The following P3H2 variants were observed in gnomAD, a reference collection of about 807,000 sequenced individuals.
P3H2 encodes leprecan-like 1.
In P3H2, 80 loss-of-function variants were observed where a neutral mutation model predicts 87.0. That is an observed-to-expected ratio of 0.92 (90% CI 0.77 to 1.11). P3H2 has a LOEUF of 1.11. Among genes scored for constraint, P3H2 ranks in the 50% least tolerant of loss-of-function variants. P3H2 has a pLI of 0.00. For missense variants in P3H2, 1,001 were observed against 923.9 expected, an observed-to-expected ratio of 1.08 and a Z score of -1.08; for synonymous variants, 367 against 359.3, an observed-to-expected ratio of 1.02 and a Z score of -0.24.
At chr3:190,025,367 C>A (rs1195817758) in intron 1 of P3H2, among the ~76,000 whole-genome samples, 2 of 152,100 alleles carry the variant, frequency 1.3e-5, no homozygotes, top group Admixed American at 6.5e-5. Flanking sequence ...ATATTTTAAT[C>A]ATTAATAAGT....
At position 190,120,884 on chromosome 3, in the gene P3H2, G is replaced by A; in HGVS notation, c.-153C>T. 1.6e-6 allele frequency: 2 copies of A among 1,260,130 alleles called. No individual in the cohort carries two copies. The highest frequency in any genetic ancestry group is 1.0e-6 in the Non-Finnish European group (1 of 957,548). 78.1% of individuals were successfully genotyped at this position (1,260,130 alleles called of 1,614,324 possible). A position where few individuals can be genotyped will look rare whatever the true frequency, so the allele number is the denominator to read the frequency against. On this transcript the variant is annotated 5_prime_UTR_variant, in exon 1 of 15. Coordinates refer to ENST00000319332, the MANE Select transcript of P3H2 (RefSeq NM_018192.4). ...AGCCCCAGGTGACCGCCGGCGCTCC[G>A]CGTACTGAGAGGCGGAGGCCGTGCC...
rs1577313019 is a variant in P3H2, at chr3:190,079,277, G to A, written c.480+40975C>T. ...AATCACTTGAACCCAGGAGGTGGAGGTGGCAGTGAGCTGAGATCACGCCGC... is the reference window on the plus strand; with the variant it reads ...AATCACTTGAACCCAGGAGGTGGAGATGGCAGTGAGCTGAGATCACGCCGC... On this transcript the variant is annotated intron_variant, in intron 1 of 14. Coordinates refer to ENST00000319332, the MANE Select transcript of P3H2 (RefSeq NM_018192.4). Among the ~76,000 whole-genome samples, 4 of 151,856 alleles carry A rather than the reference G, an allele frequency of 2.6e-5. No homozygotes were observed. In the South Asian group the frequency reaches 8.3e-4, roughly 31 times the overall value.
intron 1 of P3H2, among the ~76,000 whole-genome samples, chr3:189,999,460 C>T (rs893907542): frequency 6.6e-6 from 1 of 152,202 alleles, no homozygotes; most frequent in Admixed American, 6.5e-5. Context: ...TAAATACACA[C>T]ATCCAAAGTG....
In P3H2 at chr3:189,986,848, C is replaced by T; in HGVS notation, c.1128G>A (p.Lys376=). ...EDLTMFVKRH[K]LESELIKSAA... ...CTGATTTTATCAGCTCAGACTCCAGCTTATGACGTTTCACAAACATTGTTA... is the reference window on the plus strand; with the variant it reads ...CTGATTTTATCAGCTCAGACTCCAGTTTATGACGTTTCACAAACATTGTTA... Residue 376 remains lysine (K), a synonymous_variant, in exon 6 of 15, where the codon AAG becomes AAA. Coordinates refer to ENST00000319332, the MANE Select transcript of P3H2 (RefSeq NM_018192.4). 1 of 1,613,068 alleles carries T rather than the reference C, an allele frequency of 6.2e-7. No individual in the cohort carries two copies. The highest frequency in any genetic ancestry group is 1.1e-5 in the South Asian group (1 of 91,056).
Position 189,957,082 on chromosome 3 carries a change from T to C in P3H2, c.*830A>G, listed in dbSNP as rs375827741. The C allele has an allele frequency of 3.3e-5, 13 of 398,674 alleles. No individual in the cohort carries two copies. The highest frequency in any genetic ancestry group is 1.0e-4 in the African/African-American group (5 of 48,736). The allele number at this position is 398,674 out of a possible 1,614,324, so 24.7% of individuals were successfully genotyped here. A position where few individuals can be genotyped will look rare whatever the true frequency, so the allele number is the denominator to read the frequency against. On this transcript the variant is annotated 3_prime_UTR_variant, in exon 15 of 15. Coordinates refer to ENST00000319332, the MANE Select transcript of P3H2 (RefSeq NM_018192.4). ...ATCAAAGCTTCCAGTGTAAGTTTAT[T>C]GTCTGGCGAAAACACCAGAGCCAAA...
At chr3:190,006,977 T>G (rs1724407421) in intron 1 of P3H2, among the ~76,000 whole-genome samples, 1 of 152,222 alleles carries the variant, frequency 6.6e-6, no homozygotes, top group East Asian at 1.9e-4. Context: ...ATGCATTATC[T>G]ATATGTGCAT....
At position 189,970,868 on chromosome 3, in the gene P3H2, T is replaced by A. The variant is rs770847694; in HGVS notation, c.1841A>T (p.Asp614Val). 2.5e-6 allele frequency: 4 copies of A among 1,582,978 alleles called. No homozygotes were observed. Among genetic ancestry groups the A allele is most frequent in the Non-Finnish European group, 3.5e-6 (4 of 1,151,770 alleles). The part of the protein sequence containing the change: ...DYSALLYMND[D>V]FEGGEFIFTE... ...GAATATGAATTCTCCTCCTTCAAAG[T>A]CATCATTCATATATAGGAGAGCACT... The change falls in exon 13 of 15, where the codon GAC (aspartate) becomes GTC (valine). Residue 614 changes from aspartate (D) to valine (V), a missense_variant. Physicochemically the swap from Asp to Val is radical, Grantham distance 152. Coordinates refer to ENST00000319332, the MANE Select transcript of P3H2 (RefSeq NM_018192.4).
At chr3:190,092,604 T>C (rs1727443362) in intron 1 of P3H2, among the ~76,000 whole-genome samples, 1 of 152,214 alleles carries the variant, frequency 6.6e-6, no homozygotes, top group South Asian at 2.1e-4. Flanking sequence ...TTAGAGAGCT[T>C]ACAGCTGCCT....
intron 13 of P3H2, chr3:189,969,536 A>C (rs1050938629): frequency 4.1e-5 from 50 of 1,231,664 alleles, no homozygotes; most frequent in Non-Finnish European, 5.7e-5. Context: ...CTGATCAATA[A>C]TGACAATATC....
At chr3:190,004,491 T>C (rs1724321503) in intron 1 of P3H2, among the ~76,000 whole-genome samples, 1 of 152,066 alleles carries the variant, frequency 6.6e-6, no homozygotes, top group South Asian at 2.1e-4. Flanking sequence ...CACGCCATTC[T>C]CCTGCCTCAG....
At chr3:190,007,059 A>T (rs1724410816) in intron 1 of P3H2, among the ~76,000 whole-genome samples, 1 of 152,246 alleles carries the variant, frequency 6.6e-6, no homozygotes, top group South Asian at 2.1e-4. Context: ...AAACTAAAAT[A>T]CGTGAGGTAA....
At chr3:190,052,265 C>T (rs751830017) in intron 1 of P3H2, among the ~76,000 whole-genome samples, 4 of 151,902 alleles carry the variant, frequency 2.6e-5, no homozygotes, top group African/African-American at 4.8e-5. Context: ...CGACAAGCCC[C>T]GGTGTGTGAT....
At chr3:190,072,868 T>C (rs6777830) in intron 1 of P3H2, among the ~76,000 whole-genome samples, 21,421 of 152,260 alleles carry the variant, frequency 0.14, 1,879 homozygotes, top group Non-Finnish European at 0.2. Flanking sequence ...TGAATACTGA[T>C]TTCTGAGATT....
intron 13 of P3H2, among the ~76,000 whole-genome samples, chr3:189,968,724 A>G (rs1397564799): frequency 6.6e-6 from 1 of 152,184 alleles, no homozygotes; most frequent in Non-Finnish European, 1.5e-5. Flanking sequence ...GTATAAAAGC[A>G]TTCCTATTTC....
rs1230037564 is a variant in P3H2, at chr3:190,095,207, C to T, written c.480+25045G>A. On this transcript the variant is annotated intron_variant, in intron 1 of 14. Transcript: ENST00000319332. ...ATGTTCATTTTACAGATGACAAAAC[C>T]GAGTCTTACAGACATTAAATATCTA... 2.0e-5 allele frequency among the ~76,000 whole-genome samples: 3 copies of T among 148,582 alleles called. No homozygotes were observed. In the Admixed American group the frequency reaches 2.0e-4, roughly 10 times the overall value.
At chr3:190,071,620 T>C (rs913091245) in intron 1 of P3H2, among the ~76,000 whole-genome samples, 5 of 152,226 alleles carry the variant, frequency 3.3e-5, no homozygotes, top group African/African-American at 1.2e-4. Flanking sequence ...CACCAACTTA[T>C]TGTGCTATTC....
rs867047658 is a variant in P3H2, at chr3:190,019,855, A to G, written c.481-24413T>C. On this transcript the variant is annotated intron_variant, in intron 1 of 14. Coordinates refer to ENST00000319332, the MANE Select transcript of P3H2 (RefSeq NM_018192.4). ...AATTGATGCTTCTGTAATTATTTCTATTTAAGTATGTCTTGTCTCCATCCT... is the reference window on the plus strand; with the variant it reads ...AATTGATGCTTCTGTAATTATTTCTGTTTAAGTATGTCTTGTCTCCATCCT... Among the ~76,000 whole-genome samples the G allele has an allele frequency of 6.3e-4, 80 of 126,804 alleles. 9 individuals carry two copies. The highest frequency in any genetic ancestry group is 1.9e-3 in the African/African-American group (71 of 36,716). 83.2% of individuals were successfully genotyped at this position (126,804 alleles called of 152,430 possible).
chr3:190,095,317 T>C (rs1401794204), intron 1 of P3H2, among the ~76,000 whole-genome samples: 14 of 107,410 alleles, frequency 1.3e-4, no homozygotes, highest in Non-Finnish European at 2.7e-4. Flanking sequence ...TATATATATA[T>C]ATATATATAT....
intron 1 of P3H2, among the ~76,000 whole-genome samples, chr3:190,016,401 G>A (rs13071222): frequency 0.19 from 29,242 of 151,684 alleles, 3,184 homozygotes; most frequent in Non-Finnish European, 0.25. Flanking sequence ...CCTCCACCAC[G>A]CCCAGCTAAT....
Sources: gnomAD v4.1 joint callset for allele counts (sites outside exome capture counted in the v4.1 genomes callset) on GRCh38, gnomAD v4.1.1 for gene constraint, MANE v1.5 for transcripts, NCBI Gene and HGNC (gene_info 2026-07-23, HGNC 2026-07-21) for gene names.